GMDS: variants seen among roughly 807,000 people sequenced by gnomAD.
GMDS encodes GDP-mannose 4,6 dehydratase.
A neutral mutation model predicts 49.9 loss-of-function variants in GMDS; 20 were observed. That is an observed-to-expected ratio of 0.40 (90% CI 0.28 to 0.58). The LOEUF (loss-of-function observed/expected upper bound fraction) is 0.58. GMDS is among the 20% of genes least tolerant of loss of function. The pLI is 0.42. For synonymous variants in GMDS, 177 were observed against 178.6 expected, an observed-to-expected ratio of 0.99 and a Z score of 0.07; for missense variants, 362 against 481.4, an observed-to-expected ratio of 0.75 and a Z score of 2.32.
chr6:1,755,318 AAGAGATGTGAGGGACCTCAAGG>A (rs1404958970), intron 7 of GMDS, among the ~76,000 whole-genome samples: 1 of 152,208 alleles, frequency 6.6e-6, no homozygotes, highest in African/African-American at 2.4e-5. Context: ...TACAACTTAC[AAGAGATGTGAGGGACCTCAAGG>A]AGAGCTATAA....
At chr6:1,725,186 T>C (rs1766532954) in intron 9 of GMDS, among the ~76,000 whole-genome samples, 1 of 152,194 alleles carries the variant, frequency 6.6e-6, no homozygotes, top group African/African-American at 2.4e-5. Flanking sequence ...TGAACGTTTC[T>C]CTCTAGAGAT....
At chr6:1,676,445 A>T (rs1010185141) in intron 9 of GMDS, among the ~76,000 whole-genome samples, 2 of 152,194 alleles carry the variant, frequency 1.3e-5, no homozygotes, top group African/African-American at 4.8e-5. Context: ...TAAACTTCAT[A>T]TGGAACCAAA....
At position 2,032,838 on chromosome 6, in the gene GMDS, T is replaced by C. The variant is rs113387744; in HGVS notation, c.346-71872A>G. On this transcript the variant is annotated intron_variant, in intron 4 of 10. Transcript: ENST00000380815. ...CAGAGGTAGCATTTGGAATACAACC[T>C]GTGGTGATAGATACAATACAGTTCC... is the stretch of plus-strand genomic sequence containing the variant. Among the ~76,000 whole-genome samples the C allele has an allele frequency of 1.3e-4, 20 of 152,292 alleles. 1 individual carries two copies. Among genetic ancestry groups the C allele is most frequent in the African/African-American group, 4.3e-4 (18 of 41,584 alleles).
At chr6:2,228,707 G>T (rs550890932) in intron 1 of GMDS, among the ~76,000 whole-genome samples, 64 of 152,334 alleles carry the variant, frequency 4.2e-4, no homozygotes, top group African/African-American at 1.5e-3. Flanking sequence ...AATGTGCAGT[G>T]TTAAGAGTAA....
At chr6:2,081,861 T>C (rs1397362467) in intron 4 of GMDS, among the ~76,000 whole-genome samples, 2 of 152,056 alleles carry the variant, frequency 1.3e-5, no homozygotes, top group African/African-American at 4.8e-5. Flanking sequence ...TCTCCCTCTC[T>C]CAAGCAAAAA....
chr6:1,943,716 A>G (rs145358448), intron 6 of GMDS, among the ~76,000 whole-genome samples: 299 of 152,352 alleles, frequency 2.0e-3, no homozygotes, highest in Non-Finnish European at 3.6e-3. Context: ...CCAGTTCAGA[A>G]CAAAGAAATT....
At chr6:1,715,166 G>T (rs1766130416) in intron 9 of GMDS, among the ~76,000 whole-genome samples, 1 of 152,214 alleles carries the variant, frequency 6.6e-6, no homozygotes, top group Non-Finnish European at 1.5e-5. Context: ...TAAAGCAATA[G>T]AAACGAAATA....
intron 6 of GMDS, among the ~76,000 whole-genome samples, chr6:1,935,505 T>G (rs1287128204): frequency 6.6e-6 from 1 of 152,216 alleles, no homozygotes; most frequent in Non-Finnish European, 1.5e-5. Context: ...AATGGAAAGT[T>G]AAGATTTCTT....
intron 1 of GMDS, among the ~76,000 whole-genome samples, chr6:2,208,072 C>T (rs1435131015): frequency 2.0e-5 from 3 of 151,880 alleles, no homozygotes; most frequent in African/African-American, 7.3e-5. Flanking sequence ...AAGCTTTACT[C>T]TGTTAGGATT....
In GMDS at chr6:2,181,198, C is replaced by T. The variant is rs1305203037; in HGVS notation, c.103-56467G>A. 2.2e-5 allele frequency among the ~76,000 whole-genome samples: 3 copies of T among 139,058 alleles called. No individual in the cohort carries two copies. The Admixed American group carries it at 2.2e-4, about 10-fold the overall frequency. 91.2% of individuals were successfully genotyped at this position (139,058 alleles called of 152,430 possible). A position where few individuals can be genotyped will look rare whatever the true frequency, so the allele number is the denominator to read the frequency against. ...TCAAAAAAAAAAAAAAAAAAAAAGA[C>T]AGATCGATGAAATTCCATGTTTAAC... On this transcript the variant is annotated intron_variant, in intron 1 of 10. Transcript: ENST00000380815.
rs374546731 is a variant in GMDS at position 1,980,895 on chromosome 6, C to T, written c.346-19929G>A. 3.0e-4 allele frequency among the ~76,000 whole-genome samples: 45 copies of T among 152,186 alleles called. 1 individual carries two copies. In the East Asian group the frequency reaches 7.7e-3, roughly 26 times the overall value. On this transcript the variant is annotated intron_variant, in intron 4 of 10. Transcript: ENST00000380815. ...AGACTAATAAACTCACTCAAAACTA[C>T]ACAACTATTAATACATGGAAATTGA...
At chr6:1,728,686 G>A (rs755860561) in intron 8 of GMDS, among the ~76,000 whole-genome samples, 5 of 152,170 alleles carry the variant, frequency 3.3e-5, no homozygotes, top group Non-Finnish European at 7.3e-5. Flanking sequence ...AGGAGGGAGC[G>A]TGTGAGTCAG....
At chr6:1,978,565 C>A (rs1368708868) in intron 4 of GMDS, among the ~76,000 whole-genome samples, 2 of 152,140 alleles carry the variant, frequency 1.3e-5, no homozygotes, top group African/African-American at 4.8e-5. Flanking sequence ...GGGCCTCCAG[C>A]CACCCCCTCC....
At chr6:2,147,150 T>A (rs2127533960) in intron 1 of GMDS, among the ~76,000 whole-genome samples, 2 of 152,238 alleles carry the variant, frequency 1.3e-5, no homozygotes, top group Middle Eastern at 6.8e-3. Context: ...TATTGTAGAG[T>A]CAAAGGCAGT....
In GMDS at chr6:1,742,462, A is replaced by T; in HGVS notation, c.890+6T>A. 1 of 1,500,972 alleles carries T rather than the reference A, an allele frequency of 6.7e-7. No individual in the cohort carries two copies. The highest frequency in any genetic ancestry group is 9.3e-7 in the Non-Finnish European group (1 of 1,077,528). 93.0% of individuals were successfully genotyped at this position (1,500,972 alleles called of 1,614,324 possible). On this transcript the variant is annotated splice_donor_region_variant and intron_variant, in intron 8 of 10. Transcript: ENST00000380815. ...CTACAAGTAGTCATTTCTCAGGTAT[A>T]CTTACACAATGGTTTTTCCAATGTG...
Position 1,623,989 on chromosome 6 carries a change from T to A in GMDS, c.*180A>T. Reference sequence around the variant, plus strand: ...GCGACCCAAACCCTGGAGGGTCACATCCCGGCTGCTACAAACCTCGGCGGG... The same window carrying A: ...GCGACCCAAACCCTGGAGGGTCACAACCCGGCTGCTACAAACCTCGGCGGG... On this transcript the variant is annotated 3_prime_UTR_variant, in exon 11 of 11. Transcript: ENST00000380815. 1.7e-6 allele frequency: 1 copy of A among 581,318 alleles called. No homozygotes were observed. The highest frequency in any genetic ancestry group is 2.1e-5 in the South Asian group (1 of 46,842). The allele number at this position is 581,318 out of a possible 1,614,324, so 36.0% of individuals were successfully genotyped here.
intron 8 of GMDS, among the ~76,000 whole-genome samples, chr6:1,735,518 A>G (rs1011361656): frequency 6.6e-6 from 1 of 152,206 alleles, no homozygotes; most frequent in Non-Finnish European, 1.5e-5. Flanking sequence ...ATGAGTGGGA[A>G]GTGGCCAGGA....
intron 7 of GMDS, among the ~76,000 whole-genome samples, chr6:1,906,712 A>G (rs1760794723): frequency 1.3e-5 from 2 of 152,264 alleles, no homozygotes; most frequent in African/African-American, 4.8e-5. Context: ...CTGCAGTTCC[A>G]AAAGCTTTTG....
intron 8 of GMDS, among the ~76,000 whole-genome samples, chr6:1,730,473 A>C (rs947592105): frequency 1.3e-5 from 2 of 152,148 alleles, no homozygotes; most frequent in Non-Finnish European, 2.9e-5. Flanking sequence ...CCTGATTGCA[A>C]ATCTCCATAG....
Sources: allele counts gnomAD v4.1 joint callset (sites outside exome capture counted in the v4.1 genomes callset), GRCh38; gene constraint gnomAD v4.1.1; transcripts MANE v1.5; gene names NCBI Gene and HGNC (gene_info 2026-07-23, HGNC 2026-07-21).